Variants in TRIM24 observed in about 807,000 individuals in gnomAD.
TRIM24 encodes the protein transcription intermediary factor 1-alpha.
A neutral mutation model predicts 123.9 loss-of-function variants in TRIM24; 29 were observed. The observed-to-expected ratio is 0.23, with a 90% CI of 0.17 to 0.32. The LOEUF (loss-of-function observed/expected upper bound fraction) is 0.32, where lower values mean the gene tolerates loss of function less well. TRIM24 is among the 10% of genes least tolerant of loss of function. The pLI is 1.00. For missense variants in TRIM24, 932 were observed against 1,295.3 expected, an observed-to-expected ratio of 0.72 and a Z score of 4.31; for synonymous variants, 456 against 461.1, an observed-to-expected ratio of 0.99 and a Z score of 0.14.
intron 3 of TRIM24, among the ~76,000 whole-genome samples, chr7:138,517,454 G>T (rs763484077): frequency 2.6e-5 from 4 of 151,862 alleles, no homozygotes; most frequent in Non-Finnish European, 4.4e-5. Flanking sequence ...CACTGCAAGC[G>T]CCACCTCCTG....
rs368204340 is a variant in TRIM24 at position 138,525,310 on chromosome 7, G to A, written c.834G>A (p.Met278Ile). The A allele has an allele frequency of 1.6e-5, 24 of 1,518,108 alleles. No homozygotes were observed. In the African/African-American group the frequency reaches 2.8e-4, roughly 18 times the overall value. 94.0% of individuals were successfully genotyped at this position (1,518,108 alleles called of 1,614,324 possible). ...TAGATACACTAATCACCAAACTGAT[G>A]GAAAAAACAAAATACATAAAATTCA... ...VIIDTLITKL[M>I]EKTKYIKFTG... The change falls in exon 5 of 19, where the codon ATG becomes ATA. Residue 278 changes from methionine (M) to isoleucine (I), a missense_variant. By Grantham distance (10) the Met-to-Ile change is conservative. Around this residue, in one of 7 missense-constraint regions of TRIM24, gnomAD observed 527 missense variants for 691.3 expected, o/e 0.76. Coordinates refer to ENST00000343526, the MANE Select transcript of TRIM24 (RefSeq NM_015905.3).
chr7:138,578,532 T>TTGTGTGTGTGTGTGTGTG (rs142839380), intron 14 of TRIM24, among the ~76,000 whole-genome samples: 5 of 146,790 alleles, frequency 3.4e-5, no homozygotes, highest in African/African-American at 1.3e-4. Context: ...GGTGGTGGTT[T>TTGTGTGTGTGTGTGTGTG]TGTGTGTGTG....
rs564786889 is a variant in TRIM24 at position 138,531,215 on chromosome 7, A to G, written c.996+1985A>G. On this transcript the variant is annotated intron_variant, in intron 6 of 18. Coordinates refer to ENST00000343526, the MANE Select transcript of TRIM24 (RefSeq NM_015905.3). ...TATACATGTATACATGTATACGTGT[A>G]TGTTACATACGTATACATGTTACAC... Among the ~76,000 whole-genome samples the G allele has an allele frequency of 4.9e-4, 72 of 147,130 alleles. No homozygotes were observed. The Middle Eastern group carries it at 0.01, about 21-fold the overall frequency.
chr7:138,561,058 T>G (rs1797417326), intron 9 of TRIM24, among the ~76,000 whole-genome samples: 1 of 152,172 alleles, frequency 6.6e-6, no homozygotes, highest in Admixed American at 6.6e-5. Context: ...TCTTTCCTTA[T>G]ATATAGCTCC....
intron 1 of TRIM24, among the ~76,000 whole-genome samples, chr7:138,487,480 T>C (rs1563028966): frequency 6.6e-6 from 1 of 152,136 alleles, no homozygotes. Context: ...TGACTGTGGG[T>C]TTGTCATAAA....
At chr7:138,497,393 CTTTTTT>C (rs869232002) in intron 1 of TRIM24, among the ~76,000 whole-genome samples, 67 of 88,332 alleles carry the variant, frequency 7.6e-4, no homozygotes, top group Admixed American at 2.1e-3. Flanking sequence ...ATTACAATTT[CTTTTTT>C]TTTTTTTTTT....
chr7:138,557,811 C>G (rs984979959), intron 9 of TRIM24, among the ~76,000 whole-genome samples: 3 of 152,180 alleles, frequency 2.0e-5, no homozygotes, highest in Non-Finnish European at 2.9e-5. Context: ...GATTTAAGGC[C>G]CTTGCAGCGA....
At chr7:138,566,713 T>C (rs1797543023) in intron 9 of TRIM24, among the ~76,000 whole-genome samples, 1 of 152,154 alleles carries the variant, frequency 6.6e-6, no homozygotes, top group Admixed American at 6.6e-5. Flanking sequence ...TTTCCTAATT[T>C]GCAAAACAAA....
chr7:138,461,230 G>T (rs1340197713), intron 1 of TRIM24: 2 of 626,278 alleles, frequency 3.2e-6, no homozygotes, highest in African/African-American at 1.8e-5. Flanking sequence ...CCTGCAGCCG[G>T]AATCTCGGGT....
At chr7:138,567,703 T>C (rs533050164) in intron 10 of TRIM24, 49 bp downstream of exon 10, 7 of 1,497,904 alleles carry the variant, frequency 4.7e-6, no homozygotes, top group Non-Finnish European at 6.3e-6. Flanking sequence ...TGCTTTCTAC[T>C]TTCAAATCAC....
rs1384378796 is a variant in TRIM24, at chr7:138,585,843, A to AT, written c.*895dup. 2 of 519,278 alleles carry AT rather than the reference A, an allele frequency of 3.9e-6. No homozygotes were observed. The highest frequency in any genetic ancestry group is 3.8e-5 in the African/African-American group (2 of 52,092). 32.2% of individuals were successfully genotyped at this position (519,278 alleles called of 1,614,324 possible). A position where few individuals can be genotyped will look rare whatever the true frequency, so the allele number is the denominator to read the frequency against. ...ATATAAATACAGCAGCGTGCACTGTATTTGATGTGAGGGTTCTTCATCATA... is the reference window on the plus strand; with the variant it reads ...ATATAAATACAGCAGCGTGCACTGTATTTTGATGTGAGGGTTCTTCATCATA... On this transcript the variant is annotated 3_prime_UTR_variant, in exon 19 of 19. Coordinates refer to ENST00000343526, the MANE Select transcript of TRIM24 (RefSeq NM_015905.3).
At chr7:138,489,311 T>G (rs1795726117) in intron 1 of TRIM24, among the ~76,000 whole-genome samples, 1 of 152,220 alleles carries the variant, frequency 6.6e-6, no homozygotes, top group African/African-American at 2.4e-5. Flanking sequence ...AATTTGCCAG[T>G]CTTTGTCTTT....
At chr7:138,578,658 T>C (rs1044274217) in intron 14 of TRIM24, among the ~76,000 whole-genome samples, 1 of 152,126 alleles carries the variant, frequency 6.6e-6, no homozygotes, top group African/African-American at 2.4e-5. Context: ...ATAGATGTAT[T>C]GCAATTTTTA....
chr7:138,530,464 A>T (rs1271951003), intron 6 of TRIM24, among the ~76,000 whole-genome samples: 1 of 151,980 alleles, frequency 6.6e-6, no homozygotes, highest in East Asian at 1.9e-4. Flanking sequence ...CATTCTTAAA[A>T]TTAAAAAAAA....
At chr7:138,520,042 A>G (rs756344900) in intron 4 of TRIM24, among the ~76,000 whole-genome samples, 1 of 152,192 alleles carries the variant, frequency 6.6e-6, no homozygotes, top group Non-Finnish European at 1.5e-5. Flanking sequence ...GAAATTGTCT[A>G]TATGAAATGC....
intron 1 of TRIM24, among the ~76,000 whole-genome samples, chr7:138,489,387 A>G (rs1795727421): frequency 6.6e-6 from 1 of 152,188 alleles, no homozygotes; most frequent in Admixed American, 6.5e-5. Context: ...TGATCCTGTC[A>G]TTATGATGTT....
intron 16 of TRIM24, 90 bp from the exon 17 acceptor site, chr7:138,581,607 C>A: frequency 8.9e-7 from 1 of 1,127,538 alleles, no homozygotes; most frequent in Non-Finnish European, 1.3e-6. Context: ...TAGTCTGACA[C>A]TTTGGGACCT....
Position 138,573,502 on chromosome 7 carries a change from G to C in TRIM24, c.1879-5G>C. The C allele has an allele frequency of 6.5e-7, 1 of 1,547,578 alleles. No individual in the cohort carries two copies. The highest frequency in any genetic ancestry group is 8.7e-7 in the Non-Finnish European group (1 of 1,148,240). On this transcript the variant is annotated splice_region_variant and splice_polypyrimidine_tract_variant and intron_variant, in intron 11 of 18. Transcript: ENST00000343526. ...ATGCCCTGAAATAATTTCTTTTCTT[G>C]TAAGATTGACTGTTCAAGTACTATT... is the stretch of plus-strand genomic sequence containing the variant.
At chr7:138,568,890 A>G (rs575502522) in intron 10 of TRIM24, among the ~76,000 whole-genome samples, 1 of 152,300 alleles carries the variant, frequency 6.6e-6, no homozygotes, top group Admixed American at 6.5e-5. Flanking sequence ...TAATAAAATC[A>G]TTTTAATATT....
Sources: allele counts gnomAD v4.1 joint callset (sites outside exome capture counted in the v4.1 genomes callset), GRCh38; gene constraint gnomAD v4.1.1; regional missense constraint gnomAD v4.1.1; transcripts MANE v1.5; gene names NCBI Gene and HGNC (gene_info 2026-07-23, HGNC 2026-07-21).